Variants in COLEC12 observed in about 807,000 individuals in gnomAD.
COLEC12 encodes collectin subfamily member 12.
COLEC12 carries 33 observed loss-of-function variants against 71.1 expected under a neutral mutation model. The observed-to-expected ratio is 0.46, with a 90% CI of 0.35 to 0.62. The LOEUF is 0.62. Ranked by LOEUF, COLEC12 falls within the 20% of genes least tolerant of loss-of-function variation. The pLI is 0.00. For missense variants in COLEC12, 765 were observed against 916.1 expected (o/e 0.84, Z 2.13); for synonymous variants, 350 against 353.0 (o/e 0.99, Z 0.10).
rs181955559 is a variant in COLEC12, at chr18:399,464, C to T, written c.59-41942G>A. Reference sequence around the variant, plus strand: ...AAACCAGCTCCAAGAGCAGGCCACACTCTGCTGTTTCCTACCGTGTCATTC... The same window carrying T: ...AAACCAGCTCCAAGAGCAGGCCACATTCTGCTGTTTCCTACCGTGTCATTC... On this transcript the variant is annotated intron_variant, in intron 2 of 9. Transcript: ENST00000400256. This position sits in a 1 kb window ranked among gnomAD's most constrained non-coding sequence, Gnocchi z 4.0. Among the ~76,000 whole-genome samples, 66 of 152,352 alleles carry T rather than the reference C, an allele frequency of 4.3e-4. No homozygotes were observed. The highest frequency in any genetic ancestry group is 3.3e-4 in the Admixed American group (5 of 15,300).
intron 1 of COLEC12, among the ~76,000 whole-genome samples, chr18:488,333 C>G (rs143012741): frequency 0.041 from 6,238 of 152,030 alleles, 191 homozygotes; most frequent in Admixed American, 0.12. Flanking sequence ...ATCACTTGAA[C>G]CCGGGAGGCG....
Position 495,477 on chromosome 18 carries a change from G to A in COLEC12, c.7+5031C>T, listed in dbSNP as rs532093776. On this transcript the variant is annotated intron_variant, in intron 1 of 9. Coordinates refer to ENST00000400256, the MANE Select transcript of COLEC12 (RefSeq NM_130386.3). ...GTTTTCAGAGTTGGTGGCTACAGTG[G>A]GCCATCCACATTCATTCAATCAGCG... Among the ~76,000 whole-genome samples, 45 of 152,242 alleles carry A rather than the reference G, an allele frequency of 3.0e-4. No individual in the cohort carries two copies. The South Asian group carries it at 8.5e-3, about 29-fold the overall frequency.
At chr18:351,717 G>C (rs1914526146) in intron 3 of COLEC12, among the ~76,000 whole-genome samples, 1 of 152,096 alleles carries the variant, frequency 6.6e-6, no homozygotes, top group African/African-American at 2.4e-5. Flanking sequence ...ACAGGAGCCT[G>C]TTACCACGCC....
In COLEC12 at chr18:497,714, T is replaced by G. The variant is rs541205861; in HGVS notation, c.7+2794A>C. Among the ~76,000 whole-genome samples, 83 of 152,338 alleles carry G rather than the reference T, an allele frequency of 5.4e-4. 1 individual carries two copies. Among genetic ancestry groups the G allele is most frequent in the African/African-American group, 1.4e-3 (60 of 41,576 alleles). On this transcript the variant is annotated intron_variant, in intron 1 of 9. Transcript: ENST00000400256. ...TGCACCTGGCCAAGAATGTTTTAGA[T>G]TAACACGTTTATTCTAAGAATTTAC...
intron 2 of COLEC12, among the ~76,000 whole-genome samples, chr18:417,542 G>A (rs16944217): frequency 0.12 from 17,716 of 151,868 alleles, 1,300 homozygotes; most frequent in African/African-American, 0.21. Flanking sequence ...AGTTCCCAAG[G>A]CCATCATCAA....
At chr18:495,091 CACT>C (rs1451982923) in intron 1 of COLEC12, among the ~76,000 whole-genome samples, 2 of 152,180 alleles carry the variant, frequency 1.3e-5, no homozygotes, top group African/African-American at 4.8e-5. Context: ...TATTGGCTTT[CACT>C]GCTGTATAAT....
chr18:321,496 T>C (rs1239163474), intron 9 of COLEC12, among the ~76,000 whole-genome samples, 166 bp downstream of exon 9: 4 of 152,274 alleles, frequency 2.6e-5, no homozygotes, highest in Non-Finnish European at 5.9e-5. Context: ...AAGAAGATGC[T>C]ATTACTATTT....
chr18:346,508 T>G lies in COLEC12; in HGVS notation c.1114A>C (p.Thr372Pro). 1 of 1,614,156 alleles carries G rather than the reference T, an allele frequency of 6.2e-7. No homozygotes were observed. The highest frequency in any genetic ancestry group is 1.7e-5 in the Admixed American group (1 of 60,014). Residue 372 changes from threonine to proline, a missense_variant, in exon 5 of 10, where the codon ACA (threonine) becomes CCA (proline). Thr to Pro is a conservative substitution (Grantham distance 38). Transcript: ENST00000400256. This position sits in a 1 kb window ranked among gnomAD's most constrained non-coding sequence, Gnocchi z 4.0. ...SNLNEVRTTC[T>P]DTLTKHTDDL... ...TCTGTGTGTTTGGTAAGGGTATCTG[T>G]GCAAGTGGTCCTGACTTCATTTAGA...
chr18:424,347 G>A (rs1916157037), intron 2 of COLEC12: 1 of 152,134 alleles, frequency 6.6e-6, no homozygotes, highest in Admixed American at 6.5e-5. Flanking sequence ...TTTAGAAAGG[G>A]GGAAATGCTA....
intron 2 of COLEC12, among the ~76,000 whole-genome samples, chr18:466,305 T>C (rs1329358501): frequency 6.6e-6 from 1 of 152,146 alleles, no homozygotes; most frequent in Non-Finnish European, 1.5e-5. Flanking sequence ...AGTTAGAGAC[T>C]TCCAGGACCT....
chr18:449,939 C>A (rs1001522479), intron 2 of COLEC12, among the ~76,000 whole-genome samples: 1 of 152,204 alleles, frequency 6.6e-6, no homozygotes, highest in South Asian at 2.1e-4. Flanking sequence ...ACAGTAATAA[C>A]ATTATTTAAA....
intron 2 of COLEC12, among the ~76,000 whole-genome samples, chr18:398,348 T>C (rs925369462): frequency 2.6e-5 from 4 of 152,190 alleles, no homozygotes; most frequent in Non-Finnish European, 5.9e-5. Flanking sequence ...TTTTGTGACT[T>C]TATCCAAGAA....
chr18:388,537 G>T, intron 2 of COLEC12, among the ~76,000 whole-genome samples: 1 of 152,142 alleles, frequency 6.6e-6, no homozygotes, highest in East Asian at 1.9e-4. Context: ...GTATGCGCAT[G>T]GGTCTCTCCA....
chr18:492,971 G>A (rs754700081), intron 1 of COLEC12, among the ~76,000 whole-genome samples: 4 of 152,202 alleles, frequency 2.6e-5, no homozygotes, highest in African/African-American at 7.2e-5. Flanking sequence ...TGGAGGCTGA[G>A]GCGGGCAGAT....
intron 2 of COLEC12, among the ~76,000 whole-genome samples, chr18:425,460 G>A (rs1171191896): frequency 6.6e-6 from 1 of 152,048 alleles, no homozygotes; most frequent in Admixed American, 6.5e-5. Context: ...GACCAGGAGG[G>A]GAGTGTGCTG....
At chr18:350,745 T>C (rs1345889161) in intron 3 of COLEC12, among the ~76,000 whole-genome samples, 1 of 152,004 alleles carries the variant, frequency 6.6e-6, no homozygotes, top group African/African-American at 2.4e-5. Flanking sequence ...CTGGCCAACA[T>C]GGTGAAACCC....
chr18:491,723 G>C (rs995347760), intron 1 of COLEC12, among the ~76,000 whole-genome samples: 5 of 152,192 alleles, frequency 3.3e-5, no homozygotes, highest in African/African-American at 1.2e-4. Flanking sequence ...CGTGCTGCAG[G>C]TTCTATTTGG....
intron 8 of COLEC12, among the ~76,000 whole-genome samples, chr18:328,898 C>T (rs554098486): frequency 6.6e-6 from 1 of 152,178 alleles, no homozygotes; most frequent in Admixed American, 6.5e-5. Flanking sequence ...ATTAAATTAG[C>T]CTTTGGTTAT....
chr18:406,511 G>A (rs1398171553), intron 2 of COLEC12, among the ~76,000 whole-genome samples: 7 of 50,556 alleles, frequency 1.4e-4, no homozygotes, highest in African/African-American at 2.0e-4. Context: ...GCGAGACTCC[G>A]TCTCAAAAAA....
Sources: gnomAD v4.1 joint callset for allele counts (sites outside exome capture counted in the v4.1 genomes callset) on GRCh38, gnomAD v4.1.1 for gene constraint, Gnocchi (gnomAD v3.1) non-coding constraint, MANE v1.5 for transcripts, NCBI Gene and HGNC (gene_info 2026-07-23, HGNC 2026-07-21) for gene names.